The following SLC38A4 variants were observed in gnomAD, a reference collection of about 807,000 sequenced individuals.
The protein encoded by SLC38A4 is sodium-coupled neutral amino acid transporter 4.
SLC38A4 carries 20 observed loss-of-function variants against 63.1 expected under a neutral mutation model. The observed-to-expected ratio is 0.32, with a 90% CI of 0.22 to 0.46. The LOEUF (loss-of-function observed/expected upper bound fraction) is 0.46, where lower values mean the gene tolerates loss of function less well. Among genes scored for constraint, SLC38A4 ranks in the 20% least tolerant of loss-of-function variants. SLC38A4 has a pLI of 1.00. For missense variants in SLC38A4, 526 were observed against 663.6 expected, an observed-to-expected ratio of 0.79 and a Z score of 2.28; for synonymous variants, 230 against 225.5, an observed-to-expected ratio of 1.02 and a Z score of -0.18.
chr12:46,771,318 A>G (rs1938411255), intron 14 of SLC38A4, among the ~76,000 whole-genome samples: 1 of 152,090 alleles, frequency 6.6e-6, no homozygotes, highest in African/African-American at 2.4e-5. Context: ...TCACAGTGTT[A>G]AACAGAATAA....
chr12:46,770,254 C>G (rs1940221521), intron 14 of SLC38A4, among the ~76,000 whole-genome samples: 1 of 151,654 alleles, frequency 6.6e-6, no homozygotes. Flanking sequence ...TTTTATGAAT[C>G]TAGGTTTTCC....
intron 7 of SLC38A4, among the ~76,000 whole-genome samples, chr12:46,783,050 G>GTGTGTA (rs1447454258): frequency 2.2e-5 from 3 of 135,638 alleles, no homozygotes; most frequent in African/African-American, 5.3e-5. Context: ...GTGTGTGTGT[G>GTGTGTA]TGTGTGTGTT....
At chr12:46,774,043 C>T (rs1003729789) in intron 14 of SLC38A4, among the ~76,000 whole-genome samples, 13 of 151,988 alleles carry the variant, frequency 8.6e-5, no homozygotes, top group Admixed American at 1.3e-4. Context: ...TAGGCTAAAG[C>T]TATGTGTATG....
chr12:46,785,738 C>CCTTTTTT (rs1489385010), intron 5 of SLC38A4, among the ~76,000 whole-genome samples: 2 of 66,912 alleles, frequency 3.0e-5, no homozygotes, highest in Non-Finnish European at 2.9e-5. Flanking sequence ...ACGAAAATTC[C>CCTTTTTT]TTTTTTTTTT....
At chr12:46,770,664 G>A (rs1387148796) in intron 14 of SLC38A4, among the ~76,000 whole-genome samples, 2 of 152,030 alleles carry the variant, frequency 1.3e-5, no homozygotes, top group African/African-American at 4.8e-5. Flanking sequence ...GGGAGGGAGT[G>A]ACATTTGTGT....
chr12:46,785,069 A>G (rs1434916731), intron 6 of SLC38A4, 35 bp downstream of exon 6: 8 of 1,487,262 alleles, frequency 5.4e-6, no homozygotes, highest in Non-Finnish European at 7.5e-6. Flanking sequence ...TATGAGAATT[A>G]AAATAGAATG....
chr12:46,830,298 T>TCACACACACA (rs10597523), upstream of SLC38A4, among the ~76,000 whole-genome samples: 1,079 of 148,382 alleles, frequency 7.3e-3, 5 homozygotes, highest in South Asian at 0.013. Flanking sequence ...TCTCTCTCTC[T>TCACACACACA]CACACACACA....
intron 7 of SLC38A4, among the ~76,000 whole-genome samples, chr12:46,782,159 A>G (rs1004297166): frequency 4.6e-5 from 7 of 152,174 alleles, no homozygotes; most frequent in Admixed American, 4.6e-4. Flanking sequence ...CAGGGTGAGT[A>G]TAGTTAGATA....
intron 14 of SLC38A4, among the ~76,000 whole-genome samples, chr12:46,771,725 T>C (rs1202825336): frequency 6.6e-6 from 1 of 152,080 alleles, no homozygotes; most frequent in Non-Finnish European, 1.5e-5. Flanking sequence ...GGAAACTTGC[T>C]GGTCATTCCA....
At chr12:46,802,009 A>G (rs1020663289) in intron 2 of SLC38A4, among the ~76,000 whole-genome samples, 1 of 152,096 alleles carries the variant, frequency 6.6e-6, no homozygotes, top group African/African-American at 2.4e-5. Flanking sequence ...AGAACTAGAA[A>G]AGTTAAGATA....
intron 7 of SLC38A4, among the ~76,000 whole-genome samples, chr12:46,782,360 G>A (rs1003861588): frequency 2.6e-5 from 4 of 151,966 alleles, no homozygotes; most frequent in East Asian, 1.9e-4. Context: ...TGGCACATTT[G>A]TGTAATGGAA....
At chr12:46,780,409 G>A (rs553396964) in intron 7 of SLC38A4, among the ~76,000 whole-genome samples, 35 of 151,958 alleles carry the variant, frequency 2.3e-4, no homozygotes, top group Non-Finnish European at 5.0e-4. Flanking sequence ...GCTGAGAGAT[G>A]GCAGAATCAA....
chr12:46,783,762 G>A (rs1225391881), intron 7 of SLC38A4, among the ~76,000 whole-genome samples: 1 of 151,950 alleles, frequency 6.6e-6, no homozygotes, highest in Non-Finnish European at 1.5e-5. Context: ...GCAGGTTTAG[G>A]GACTGGGTAG....
chr12:46,814,056 C>A (rs951227973), intron 1 of SLC38A4, among the ~76,000 whole-genome samples: 1 of 151,876 alleles, frequency 6.6e-6, no homozygotes, highest in African/African-American at 2.4e-5. Flanking sequence ...AAAACTTAGA[C>A]AAGGTTATTG....
Position 46,789,338 on chromosome 12 carries a change from G to A in SLC38A4, c.120-720C>T, listed in dbSNP as rs1938832152. On this transcript the variant is annotated intron_variant, in intron 3 of 16. Transcript: ENST00000266579. ...TTTAATTACTCTCAAAATGTACATG[G>A]ATTATTAACAGATAATGAATGAAAC... is the stretch of plus-strand genomic sequence containing the variant. Among the ~76,000 whole-genome samples, 3 of 152,226 alleles carry A rather than the reference G, an allele frequency of 2.0e-5. No individual in the cohort carries two copies. The South Asian group carries it at 6.2e-4, about 32-fold the overall frequency.
chr12:46,769,806 T>TA (rs1444993616), intron 14 of SLC38A4, among the ~76,000 whole-genome samples: 6 of 152,146 alleles, frequency 3.9e-5, no homozygotes, highest in African/African-American at 1.4e-4. Context: ...CTGTACAGGT[T>TA]TGTAGCCTAG....
At chr12:46,781,396 T>C (rs1938635486) in intron 7 of SLC38A4, among the ~76,000 whole-genome samples, 1 of 152,054 alleles carries the variant, frequency 6.6e-6, no homozygotes, top group Non-Finnish European at 1.5e-5. Context: ...TATTTCTGAT[T>C]AGCTGGCTTG....
chr12:46,824,074 C>T (rs1014600706), intron 1 of SLC38A4, among the ~76,000 whole-genome samples: 1 of 152,082 alleles, frequency 6.6e-6, no homozygotes, highest in Admixed American at 6.5e-5. Context: ...TCTGGGTGAC[C>T]CCTGTCAAAC....
chr12:46,788,832 A>C (rs963228876), intron 3 of SLC38A4, among the ~76,000 whole-genome samples: 5 of 152,150 alleles, frequency 3.3e-5, no homozygotes, highest in Non-Finnish European at 5.9e-5. Flanking sequence ...GGATGTTATA[A>C]AGGAAGGAAA....
Sources: allele counts gnomAD v4.1 joint callset (sites outside exome capture counted in the v4.1 genomes callset), GRCh38; gene constraint gnomAD v4.1.1; transcripts MANE v1.5; gene names NCBI Gene and HGNC (gene_info 2026-07-23, HGNC 2026-07-21).